SAMMSON: variants seen among roughly 807,000 people sequenced by gnomAD.
The protein encoded by SAMMSON is long intergenic non-protein coding RNA 1212.
At chr3:70,129,899 TACA>T (rs1401301371) in intron 4 of SAMMSON, among the ~76,000 whole-genome samples, 1 of 152,210 alleles carries the variant, frequency 6.6e-6, no homozygotes. Context: ...ATTTAAGCTG[TACA>T]ACATGATGTT....
chr3:70,351,596 A>G (rs1425906685), intron 7 of SAMMSON, among the ~76,000 whole-genome samples: 1 of 152,124 alleles, frequency 6.6e-6, no homozygotes, highest in Non-Finnish European at 1.5e-5. Flanking sequence ...GAGAAACAAC[A>G]TAGTAGTGAA....
At chr3:70,431,058 A>T (rs1221135699) in intron 2 of SAMMSON, among the ~76,000 whole-genome samples, 1 of 152,016 alleles carries the variant, frequency 6.6e-6, no homozygotes. Context: ...TTATTTGGAC[A>T]CTCTGTTGAG....
At chr3:70,354,749 C>T (rs761593357) in intron 8 of SAMMSON, among the ~76,000 whole-genome samples, 2 of 152,204 alleles carry the variant, frequency 1.3e-5, no homozygotes, top group Non-Finnish European at 2.9e-5. Flanking sequence ...GAGGACTCCA[C>T]AACAGCCTTG....
At chr3:70,123,023 A>T (rs1359999953) in intron 4 of SAMMSON, among the ~76,000 whole-genome samples, 3 of 152,176 alleles carry the variant, frequency 2.0e-5, no homozygotes, top group Non-Finnish European at 2.9e-5. Flanking sequence ...GAAATACTTA[A>T]AAATAGTCCC....
intron 4 of SAMMSON, among the ~76,000 whole-genome samples, chr3:70,078,683 A>G (rs559123194): frequency 1.8e-4 from 28 of 152,232 alleles, no homozygotes; most frequent in African/African-American, 6.7e-4. Flanking sequence ...ACCCTGATCA[A>G]TACCCCTGCA....
rs138141252 is a variant in SAMMSON at position 70,297,032 on chromosome 3, A to C, written n.739+5789A>C. ...CACACATACGCACATACTATGGCTT[A>C]ACCAAGGTGTGCTGATTGATGAATT... is the stretch of plus-strand genomic sequence containing the variant. On this transcript the variant is annotated intron_variant and non_coding_transcript_variant, in intron 7 of 9. Transcript: ENST00000642114. Among the ~76,000 whole-genome samples the C allele has an allele frequency of 3.8e-3, 583 of 152,124 alleles. 1 individual carries two copies. Among genetic ancestry groups the C allele is most frequent in the Non-Finnish European group, 6.0e-3 (409 of 67,974 alleles).
chr3:70,184,517 T>C (rs1264504806), intron 4 of SAMMSON, among the ~76,000 whole-genome samples: 1 of 152,230 alleles, frequency 6.6e-6, no homozygotes, highest in Admixed American at 6.5e-5. Flanking sequence ...TCCACTTACA[T>C]AGAAGTTTAT....
At chr3:70,190,607 A>C (rs1335106267) in intron 4 of SAMMSON, among the ~76,000 whole-genome samples, 1 of 152,148 alleles carries the variant, frequency 6.6e-6, no homozygotes, top group Non-Finnish European at 1.5e-5. Context: ...ATGCAGGAGG[A>C]TTTTGGTGCC....
intron 3 of SAMMSON, among the ~76,000 whole-genome samples, chr3:70,042,850 G>T (rs557152530): frequency 9.9e-5 from 15 of 152,178 alleles, no homozygotes; most frequent in Admixed American, 8.5e-4. Context: ...GAAATTGTGG[G>T]GATAAGTGGA....
intron 4 of SAMMSON, among the ~76,000 whole-genome samples, chr3:70,145,218 G>A (rs1311098148): frequency 6.6e-6 from 1 of 152,052 alleles, no homozygotes. Context: ...AGCAAAAACT[G>A]ACAGAAATGA....
chr3:70,190,837 A>T (rs1701126801), intron 4 of SAMMSON, among the ~76,000 whole-genome samples: 1 of 152,056 alleles, frequency 6.6e-6, no homozygotes, highest in Non-Finnish European at 1.5e-5. Context: ...AGTTTTACAA[A>T]CTCACTTTAT....
intron 4 of SAMMSON, among the ~76,000 whole-genome samples, chr3:70,100,515 TGGGGGGG>T (rs71620115): frequency 0.058 from 8,502 of 146,598 alleles, 428 homozygotes; most frequent in African/African-American, 0.13. Context: ...CTTGAAAGAG[TGGGGGGG>T]GGGGGGGGGG....
At chr3:70,213,048 A>G (rs568175158) in intron 4 of SAMMSON, among the ~76,000 whole-genome samples, 16 of 152,028 alleles carry the variant, frequency 1.1e-4, no homozygotes, top group Non-Finnish European at 2.2e-4. Context: ...GGCTCAAGGG[A>G]TTCACCTGCC....
At chr3:70,073,452 C>T (rs1262947772) in intron 4 of SAMMSON, among the ~76,000 whole-genome samples, 3 of 151,984 alleles carry the variant, frequency 2.0e-5, no homozygotes, top group African/African-American at 4.8e-5. Flanking sequence ...ATAGTTCCTG[C>T]CCCCATGGAG....
At chr3:70,207,865 G>C (rs1701306761) in intron 4 of SAMMSON, among the ~76,000 whole-genome samples, 1 of 151,962 alleles carries the variant, frequency 6.6e-6, no homozygotes, top group South Asian at 2.1e-4. Flanking sequence ...GTTCCCCTCA[G>C]ACACTGAGGG....
chr3:70,202,229 T>C lies in SAMMSON; in HGVS notation n.508-46878T>C, dbSNP rs554385968. On this transcript the variant is annotated intron_variant and non_coding_transcript_variant, in intron 4 of 9. Transcript: ENST00000642114. ...TAGTGACTAGTGGTCTATCTGCTAATGGTTAGTGACTAATGGCCTATTTGA... is the reference window on the plus strand; with the variant it reads ...TAGTGACTAGTGGTCTATCTGCTAACGGTTAGTGACTAATGGCCTATTTGA... Among the ~76,000 whole-genome samples, 5 of 152,258 alleles carry C rather than the reference T, an allele frequency of 3.3e-5. No homozygotes were observed. The South Asian group carries it at 1.0e-3, about 32-fold the overall frequency.
intron 7 of SAMMSON, among the ~76,000 whole-genome samples, chr3:70,347,744 C>G (rs1702762384): frequency 6.6e-6 from 1 of 152,098 alleles, no homozygotes; most frequent in African/African-American, 2.4e-5. Flanking sequence ...AGAAATAAGA[C>G]ATATGGAAAA....
chr3:70,292,508 T>C (rs1296761566), intron 7 of SAMMSON, among the ~76,000 whole-genome samples: 7 of 152,166 alleles, frequency 4.6e-5, no homozygotes, highest in Non-Finnish European at 7.3e-5. Flanking sequence ...ATTCAAGCCA[T>C]GTGGATCTGA....
chr3:70,408,981 G>A (rs1701197184), intron 2 of SAMMSON, among the ~76,000 whole-genome samples: 1 of 152,134 alleles, frequency 6.6e-6, no homozygotes, highest in Non-Finnish European at 1.5e-5. Context: ...GAGAAAATGA[G>A]GAAGGTGCAA....
Sources: gnomAD v4.1 joint callset for allele counts (sites outside exome capture counted in the v4.1 genomes callset) on GRCh38, gnomAD v4.1.1 for gene constraint, MANE v1.5 for transcripts, NCBI Gene and HGNC (gene_info 2026-07-23, HGNC 2026-07-21) for gene names.